Variants in TBC1D12 observed in about 807,000 individuals in gnomAD.
The protein encoded by TBC1D12 is TBC1 domain family, member 12.
A neutral mutation model predicts 86.7 loss-of-function variants in TBC1D12; 56 were observed. The observed-to-expected ratio is 0.65, with a 90% CI of 0.52 to 0.81. The LOEUF is 0.81. TBC1D12 is among the 30% of genes least tolerant of loss of function. The probability of loss-of-function intolerance (pLI) is 0.00; values close to 1 mark genes in which losing one functional copy is unlikely to be tolerated. For missense variants in TBC1D12, 1,023 were observed against 1,038.8 expected (o/e 0.98, Z 0.21); for synonymous variants, 421 against 411.7 (o/e 1.02, Z -0.27).
chr10:94,497,651 C>T (rs1048328731), intron 5 of TBC1D12, among the ~76,000 whole-genome samples: 1 of 150,040 alleles, frequency 6.7e-6, no homozygotes, highest in Non-Finnish European at 1.5e-5. Context: ...TCCCGAGTAG[C>T]TGGGACTACA....
chr10:94,494,692 C>T (rs1332008638), intron 4 of TBC1D12, among the ~76,000 whole-genome samples: 1 of 151,892 alleles, frequency 6.6e-6, no homozygotes, highest in Non-Finnish European at 1.5e-5. Flanking sequence ...CATAGGCGTG[C>T]ACCACCACGC....
chr10:94,516,223 T>C (rs2056589434), intron 9 of TBC1D12, among the ~76,000 whole-genome samples: 1 of 152,182 alleles, frequency 6.6e-6, no homozygotes, highest in Non-Finnish European at 1.5e-5. Context: ...GCTACAAATA[T>C]ATAAATTAAT....
At chr10:94,523,756 A>T (rs948494037) in intron 11 of TBC1D12, among the ~76,000 whole-genome samples, 1 of 152,124 alleles carries the variant, frequency 6.6e-6, no homozygotes, top group Non-Finnish European at 1.5e-5. Flanking sequence ...GGAGGCCAGG[A>T]GTTTGAGACC....
At chr10:94,431,699 T>G (rs967064273) in intron 1 of TBC1D12, among the ~76,000 whole-genome samples, 1 of 152,200 alleles carries the variant, frequency 6.6e-6, no homozygotes, top group African/African-American at 2.4e-5. Context: ...TTCACTTGTG[T>G]TAAATTTACT....
Position 94,533,184 on chromosome 10 carries a change from A to G in TBC1D12, c.*88A>G. On this transcript the variant is annotated 3_prime_UTR_variant, in exon 13 of 13. Transcript: ENST00000225235. ...TCCTATGTAAAAGGCGTGGAAGAAA[A>G]TGTTGGAGATACCTAAAAGAATCAA... The G allele has an allele frequency of 1.4e-6, 1 of 711,754 alleles. No homozygotes were observed. 44.1% of individuals were successfully genotyped at this position (711,754 alleles called of 1,614,324 possible).
At chr10:94,526,089 C>G (rs1842281245) in intron 11 of TBC1D12, among the ~76,000 whole-genome samples, 1 of 152,146 alleles carries the variant, frequency 6.6e-6, no homozygotes, top group African/African-American at 2.4e-5. Context: ...TCTCTTCCTT[C>G]TCTCCACCCT....
rs551575901 is a variant in TBC1D12, at chr10:94,465,602, TGCCACTGCACTCCA to T, written c.1096-9062_1096-9049del. Among the ~76,000 whole-genome samples the T allele has an allele frequency of 5.3e-3, 801 of 150,502 alleles. 15 individuals are homozygous for T. Among genetic ancestry groups the T allele is most frequent in the African/African-American group, 0.018 (736 of 40,866 alleles). On this transcript the variant is annotated intron_variant, in intron 2 of 12. Transcript: ENST00000225235. Reference sequence around the variant, plus strand: ...TGGAGGTTACAGTGAGCCAAGATCATGCCACTGCACTCCAGCCTGGGCGACAGAGCAAGACTCTT... The same window carrying T: ...TGGAGGTTACAGTGAGCCAAGATCATGCCTGGGCGACAGAGCAAGACTCTT...
intron 2 of TBC1D12, among the ~76,000 whole-genome samples, chr10:94,467,832 G>A (rs1425810136): frequency 6.6e-6 from 1 of 152,104 alleles, no homozygotes; most frequent in Non-Finnish European, 1.5e-5. Flanking sequence ...ACCATACTTG[G>A]CTAATGTTTT....
chr10:94,429,598 A>G lies in TBC1D12; in HGVS notation c.972-12298A>G, dbSNP rs567697145. 2.0e-5 allele frequency among the ~76,000 whole-genome samples: 3 copies of G among 152,308 alleles called. No homozygotes were observed. The South Asian group carries it at 6.2e-4, about 32-fold the overall frequency. ...CTGTGGCATTCCATGGTCACTAGATAATGTTTTCTTTATGGCTTTTTATTC... is the reference window on the plus strand; with the variant it reads ...CTGTGGCATTCCATGGTCACTAGATGATGTTTTCTTTATGGCTTTTTATTC... On this transcript the variant is annotated intron_variant, in intron 1 of 12. Coordinates refer to ENST00000225235, the MANE Select transcript of TBC1D12 (RefSeq NM_015188.2).
intron 11 of TBC1D12, among the ~76,000 whole-genome samples, chr10:94,527,855 C>T (rs1842335211): frequency 6.6e-6 from 1 of 152,150 alleles, no homozygotes; most frequent in Non-Finnish European, 1.5e-5. Context: ...GTGTTCTTGG[C>T]ATCTTTGTCA....
At chr10:94,437,991 C>CTTTT (rs60477158) in intron 1 of TBC1D12, among the ~76,000 whole-genome samples, 2 of 30,036 alleles carry the variant, frequency 6.7e-5, no homozygotes, top group African/African-American at 1.6e-4. Flanking sequence ...TCTCCTGGAG[C>CTTTT]TTTTTTTTTT....
intron 2 of TBC1D12, among the ~76,000 whole-genome samples, chr10:94,456,155 A>G (rs1378276797): frequency 2.0e-5 from 3 of 151,930 alleles, no homozygotes; most frequent in East Asian, 3.9e-4. Flanking sequence ...ATTTTTCTCT[A>G]CTGACTTCCT....
chr10:94,420,885 G>A (rs1016873924), intron 1 of TBC1D12, among the ~76,000 whole-genome samples: 2 of 152,118 alleles, frequency 1.3e-5, no homozygotes, highest in Admixed American at 1.3e-4. Context: ...ATTGACGAAT[G>A]TATATTTATG....
At chr10:94,438,642 G>C (rs1369282249) in intron 1 of TBC1D12, among the ~76,000 whole-genome samples, 1 of 152,014 alleles carries the variant, frequency 6.6e-6, no homozygotes, top group East Asian at 1.9e-4. Flanking sequence ...TGGTTGTGAG[G>C]AATAGGGGAA....
At chr10:94,530,367 A>G (rs1842391580) in intron 11 of TBC1D12, among the ~76,000 whole-genome samples, 1 of 152,174 alleles carries the variant, frequency 6.6e-6, no homozygotes, top group African/African-American at 2.4e-5. Context: ...GTAGTAAATA[A>G]AGCTGGGTGG....
Position 94,431,422 on chromosome 10 carries a change from AAAAG to A in TBC1D12, c.972-10470_972-10467del, listed in dbSNP as rs533200337. ...AGAGCAAGACTCTTAAAAAAAAAAAAAAAGAAAAGAAAGAAAATAATTTGAAAAC... is the reference window on the plus strand; with the variant it reads ...AGAGCAAGACTCTTAAAAAAAAAAAAAAAAGAAAGAAAATAATTTGAAAAC... On this transcript the variant is annotated intron_variant, in intron 1 of 12. Coordinates refer to ENST00000225235, the MANE Select transcript of TBC1D12 (RefSeq NM_015188.2). 4.7e-3 allele frequency among the ~76,000 whole-genome samples: 313 copies of A among 65,896 alleles called. 2 individuals carry two copies. Among genetic ancestry groups the A allele is most frequent in the East Asian group, 0.015 (8 of 536 alleles). The allele number at this position is 65,896 out of a possible 152,430, so 43.2% of individuals were successfully genotyped here.
chr10:94,535,518 C>CT lies in TBC1D12; in HGVS notation c.*2423dup, dbSNP rs1842526325. 1 of 152,080 alleles carries CT rather than the reference C, an allele frequency of 6.6e-6. No homozygotes were observed. The highest frequency in any genetic ancestry group is 2.4e-5 in the African/African-American group (1 of 41,412). The allele number at this position is 152,080 out of a possible 1,614,324, so 9.4% of individuals were successfully genotyped here. On this transcript the variant is annotated 3_prime_UTR_variant, in exon 13 of 13. Transcript: ENST00000225235. ...TTTTTACCCCATGGGTCATTCTAGT[C>CT]TAAGGACTACTAGTAGAACCCTCAA...
chr10:94,407,611 G>A (rs949955458), intron 1 of TBC1D12, among the ~76,000 whole-genome samples: 3 of 151,992 alleles, frequency 2.0e-5, no homozygotes, highest in African/African-American at 4.8e-5. Flanking sequence ...TAGAACCCTG[G>A]GGGGAGGTTG....
At chr10:94,511,309 G>A (rs2056523923) in intron 8 of TBC1D12, among the ~76,000 whole-genome samples, 1 of 151,932 alleles carries the variant, frequency 6.6e-6, no homozygotes, top group South Asian at 2.1e-4. Context: ...TGTTAGCCAA[G>A]CTGGTCTCAA....
Sources: gnomAD v4.1 joint callset for allele counts (sites outside exome capture counted in the v4.1 genomes callset) on GRCh38, gnomAD v4.1.1 for gene constraint, MANE v1.5 for transcripts, NCBI Gene and HGNC (gene_info 2026-07-23, HGNC 2026-07-21) for gene names.